NAALADL2: variants seen among roughly 807,000 people sequenced by gnomAD.
The protein encoded by NAALADL2 is N-acetylated alpha-linked acidic dipeptidase like 2, also known as inactive N-acetylated-alpha-linked acidic dipeptidase-like protein 2.
In NAALADL2, 76 loss-of-function variants were observed where a neutral mutation model predicts 87.2. The observed-to-expected ratio is 0.87, with a 90% CI of 0.72 to 1.05. NAALADL2 has a LOEUF of 1.05. Ranked by LOEUF, NAALADL2 falls within the 50% of genes least tolerant of loss-of-function variation. The pLI, the probability that NAALADL2 is intolerant of heterozygous loss-of-function variation, is 0.00. For synonymous variants in NAALADL2, 354 were observed against 331.0 expected (o/e 1.07, Z -0.75); for missense variants, 1,089 against 945.8 (o/e 1.15, Z -1.99).
intron 9 of NAALADL2, among the ~76,000 whole-genome samples, chr3:175,559,201 ACTTT>A (rs1271888346): frequency 6.6e-6 from 1 of 152,098 alleles, no homozygotes; most frequent in Non-Finnish European, 1.5e-5. Context: ...AAGTGGAATT[ACTTT>A]CTTGATTGCT....
chr3:174,763,471 C>T (rs1419622691), intron 3 of NAALADL2, among the ~76,000 whole-genome samples: 2 of 149,628 alleles, frequency 1.3e-5, no homozygotes, highest in African/African-American at 2.5e-5. Context: ...CCTGTAATCC[C>T]AGCTACTTGG....
chr3:175,140,089 C>T (rs997035992), intron 2 of NAALADL2, among the ~76,000 whole-genome samples: 3 of 152,090 alleles, frequency 2.0e-5, no homozygotes, highest in Admixed American at 6.6e-5. Context: ...GGCTTTGAAT[C>T]TTAGCTCTGT....
intron 2 of NAALADL2, among the ~76,000 whole-genome samples, chr3:174,646,118 C>T (rs1380255102): frequency 6.6e-6 from 1 of 151,992 alleles, no homozygotes; most frequent in Non-Finnish European, 1.5e-5. Context: ...ATCAGTTTAT[C>T]AGCATTCAGC....
intron 2 of NAALADL2, among the ~76,000 whole-genome samples, chr3:174,600,949 A>G (rs984625950): frequency 2.0e-5 from 3 of 152,188 alleles, no homozygotes; most frequent in African/African-American, 7.2e-5. Context: ...AAACTATATC[A>G]GTAGGTATAT....
chr3:175,557,518 T>C (rs1357550437), intron 9 of NAALADL2, among the ~76,000 whole-genome samples: 1 of 150,934 alleles, frequency 6.6e-6, no homozygotes, highest in Non-Finnish European at 1.5e-5. Context: ...ATTTTTTTTG[T>C]ACCCATTTAC....
At chr3:174,509,103 CT>C (rs113472134) in intron 1 of NAALADL2, among the ~76,000 whole-genome samples, 8,226 of 147,288 alleles carry the variant, frequency 0.056, 748 homozygotes, top group African/African-American at 0.19. Flanking sequence ...AACTGTATGC[CT>C]TTTTTTTTTC....
At chr3:174,937,966 A>G (rs370715943) in intron 1 of NAALADL2, among the ~76,000 whole-genome samples, 179 of 152,172 alleles carry the variant, frequency 1.2e-3, no homozygotes, top group African/African-American at 4.1e-3. Flanking sequence ...TATTTGTTAA[A>G]GGTAATCTTT....
chr3:175,634,477 G>A (rs1728240078), intron 11 of NAALADL2, among the ~76,000 whole-genome samples: 1 of 151,916 alleles, frequency 6.6e-6, no homozygotes. Flanking sequence ...ATCTTGAGAT[G>A]CCATTCTAAG....
intron 5 of NAALADL2, among the ~76,000 whole-genome samples, chr3:175,399,362 G>C (rs1770256061): frequency 6.6e-6 from 1 of 152,062 alleles, no homozygotes; most frequent in African/African-American, 2.4e-5. Context: ...CGGGAATGCA[G>C]CCCAGCAAGT....
At chr3:175,698,504 A>ATATATATATATATATATATATATAT (rs1278192087) in intron 11 of NAALADL2, among the ~76,000 whole-genome samples, 14 of 86,976 alleles carry the variant, frequency 1.6e-4, no homozygotes, top group African/African-American at 4.3e-4. Flanking sequence ...TATATATATA[A>ATATATATATATATATATATATATAT]AATCTCCAAG....
chr3:175,080,373 G>T (rs961110053), intron 1 of NAALADL2, among the ~76,000 whole-genome samples: 5 of 152,144 alleles, frequency 3.3e-5, no homozygotes, highest in African/African-American at 1.2e-4. Flanking sequence ...TGCAAATTAT[G>T]CAATGAAAGT....
chr3:175,544,088 G>A (rs1023822963), intron 9 of NAALADL2, among the ~76,000 whole-genome samples: 2 of 152,056 alleles, frequency 1.3e-5, no homozygotes, highest in African/African-American at 4.8e-5. Context: ...GACAGGGCTC[G>A]GATAAAGTTC....
intron 12 of NAALADL2, among the ~76,000 whole-genome samples, chr3:175,744,059 C>G (rs1745603009): frequency 6.6e-6 from 1 of 152,090 alleles, no homozygotes; most frequent in African/African-American, 2.4e-5. Flanking sequence ...CTGCCTACGA[C>G]AGCTAAAATG....
chr3:175,474,984 A>G (rs1209169749), intron 9 of NAALADL2, among the ~76,000 whole-genome samples: 1 of 150,606 alleles, frequency 6.6e-6, no homozygotes, highest in Non-Finnish European at 1.5e-5. Context: ...GGAGCATTAT[A>G]AACTGTAATT....
At chr3:175,329,819 T>C (rs1481322301) in intron 5 of NAALADL2, among the ~76,000 whole-genome samples, 2 of 152,208 alleles carry the variant, frequency 1.3e-5, no homozygotes, top group Non-Finnish European at 2.9e-5. Flanking sequence ...AAAAGATTGA[T>C]TGTTTAAATT....
At chr3:175,290,905 T>C (rs1755567160) in intron 4 of NAALADL2, among the ~76,000 whole-genome samples, 1 of 152,070 alleles carries the variant, frequency 6.6e-6, no homozygotes. Flanking sequence ...GTGTGCGTGT[T>C]TTTTTTCTAC....
intron 3 of NAALADL2, among the ~76,000 whole-genome samples, chr3:175,236,955 C>T (rs1328873148): frequency 6.6e-6 from 1 of 152,114 alleles, no homozygotes; most frequent in Non-Finnish European, 1.5e-5. Flanking sequence ...GATAGCCTCA[C>T]CTTCAAGTGT....
At chr3:175,182,315 G>A (rs1271994654) in intron 2 of NAALADL2, among the ~76,000 whole-genome samples, 1 of 151,806 alleles carries the variant, frequency 6.6e-6, no homozygotes, top group East Asian at 1.9e-4. Flanking sequence ...CCAAATGTAT[G>A]GCTTGAAAAT....
At chr3:174,760,628 T>C (rs368264609) in intron 3 of NAALADL2, among the ~76,000 whole-genome samples, 1 of 152,346 alleles carries the variant, frequency 6.6e-6, no homozygotes, top group African/African-American at 2.4e-5. Flanking sequence ...CTCTACTGGA[T>C]GGCCACTGAA....
Sources: gnomAD v4.1 joint callset for allele counts (sites outside exome capture counted in the v4.1 genomes callset) on GRCh38, gnomAD v4.1.1 for gene constraint, MANE v1.5 for transcripts, NCBI Gene and HGNC (gene_info 2026-07-23, HGNC 2026-07-21) for gene names.